The following KIAA0040 variants were observed in gnomAD, a reference collection of about 807,000 sequenced individuals.
KIAA0040 encodes KIAA0040, also known as uncharacterized protein KIAA0040.
KIAA0040 carries 10 observed loss-of-function variants against 7.2 expected under a neutral mutation model. The observed-to-expected ratio is 1.38, with a 90% CI of 0.85 to 2.34. The LOEUF is 2.34. KIAA0040 is among the 30% of genes most tolerant of loss of function. KIAA0040 has a pLI of 0.00. For missense variants in KIAA0040, 89 were observed against 108.2 expected (o/e 0.82, Z 0.79); for synonymous variants, 49 against 40.1 (o/e 1.22, Z -0.84).
intron 1 of KIAA0040, among the ~76,000 whole-genome samples, chr1:175,189,570 A>G (rs1677792475): frequency 6.6e-6 from 1 of 152,238 alleles, no homozygotes; most frequent in Non-Finnish European, 1.5e-5. Context: ...TCATGGAAGG[A>G]GACTTATCAT....
intron 1 of KIAA0040, among the ~76,000 whole-genome samples, chr1:175,183,356 A>T (rs371681889): frequency 2.1e-4 from 32 of 152,344 alleles, no homozygotes; most frequent in Middle Eastern, 6.8e-3. Context: ...GATGAGAAAG[A>T]ACCAGAGTGA....
chr1:175,185,836 A>G (rs1210585164), intron 1 of KIAA0040, among the ~76,000 whole-genome samples: 1 of 152,260 alleles, frequency 6.6e-6, no homozygotes, highest in Non-Finnish European at 1.5e-5. Context: ...ATATGCACAC[A>G]ATGGAATATG....
intron 1 of KIAA0040, among the ~76,000 whole-genome samples, chr1:175,188,664 C>T (rs1677754872): frequency 6.6e-6 from 1 of 152,192 alleles, no homozygotes; most frequent in African/African-American, 2.4e-5. Flanking sequence ...TTAATTAAGG[C>T]ACCCAATGTT....
At chr1:175,172,646 T>G (rs1029239554) in intron 2 of KIAA0040, among the ~76,000 whole-genome samples, 2 of 152,238 alleles carry the variant, frequency 1.3e-5, no homozygotes, top group South Asian at 4.1e-4. Context: ...TTCACTTAAG[T>G]GCTTTTTCCA....
intron 1 of KIAA0040, among the ~76,000 whole-genome samples, chr1:175,190,403 C>T (rs1023461285): frequency 6.6e-6 from 1 of 152,222 alleles, no homozygotes; most frequent in African/African-American, 2.4e-5. Context: ...ATGTTCCAGA[C>T]CTGTATACCC....
At chr1:175,184,108 C>T (rs555516567) in intron 1 of KIAA0040, among the ~76,000 whole-genome samples, 48 of 152,270 alleles carry the variant, frequency 3.2e-4, no homozygotes, top group African/African-American at 1.2e-3. Context: ...CCTGACAGTG[C>T]CTGGGAGACA....
chr1:175,170,356 C>A (rs1265678536), intron 2 of KIAA0040, among the ~76,000 whole-genome samples: 1 of 152,118 alleles, frequency 6.6e-6, no homozygotes, highest in Non-Finnish European at 1.5e-5. Flanking sequence ...CTTCAAATGG[C>A]CTCTAGTTTT....
rs372300059 is a variant in KIAA0040 at position 175,160,996 on chromosome 1, G to T, written c.18C>A (p.Ala6=). 2.7e-4 allele frequency: 418 copies of T among 1,551,018 alleles called. No individual in the cohort carries two copies. The highest frequency in any genetic ancestry group is 3.4e-4 in the Non-Finnish European group (386 of 1,146,878). MERIS[A]FFSSIWDTIL... ...TGGTGTCCCAGATAGAGCTGAAGAAGGCACTGATTCTCTCCATGGTGCTTG... is the reference window on the plus strand; with the variant it reads ...TGGTGTCCCAGATAGAGCTGAAGAATGCACTGATTCTCTCCATGGTGCTTG... Residue 6 remains alanine (A), a synonymous_variant, in exon 4 of 4, where the codon GCC becomes GCA. Transcript: ENST00000423313.
At chr1:175,191,018 G>A (rs1476002840) in intron 1 of KIAA0040, among the ~76,000 whole-genome samples, 1 of 152,142 alleles carries the variant, frequency 6.6e-6, no homozygotes, top group Non-Finnish European at 1.5e-5. Context: ...GATAATTCTG[G>A]GGAAGGATCT....
chr1:175,172,749 C>T lies in KIAA0040; in HGVS notation c.-310+4862G>A, dbSNP rs905746744. Among the ~76,000 whole-genome samples, 4 of 152,202 alleles carry T rather than the reference C, an allele frequency of 2.6e-5. No individual in the cohort carries two copies. In the South Asian group the frequency reaches 6.2e-4, roughly 24 times the overall value. On this transcript the variant is annotated intron_variant, in intron 2 of 3. Coordinates refer to ENST00000423313, the MANE Select transcript of KIAA0040 (RefSeq NM_014656.3). The stretch of plus-strand genomic sequence containing the variant: ...ACATCATTTTACTCTCAGTATCTGG[C>T]ACAGGGCCTGGTAGAAAGTGGACTG...
chr1:175,173,848 T>C (rs1352591623), intron 2 of KIAA0040, among the ~76,000 whole-genome samples: 2 of 152,240 alleles, frequency 1.3e-5, no homozygotes, highest in African/African-American at 4.8e-5. Flanking sequence ...TGAAACTCAC[T>C]GGCAGTCTGG....
At chr1:175,178,487 G>T (rs965980792) in intron 1 of KIAA0040, among the ~76,000 whole-genome samples, 1 of 152,214 alleles carries the variant, frequency 6.6e-6, no homozygotes, top group Non-Finnish European at 1.5e-5. Context: ...ACAATTGTTT[G>T]CATCAATAAA....
At chr1:175,175,646 A>G (rs1484114812) in intron 2 of KIAA0040, among the ~76,000 whole-genome samples, 1 of 152,238 alleles carries the variant, frequency 6.6e-6, no homozygotes, top group Non-Finnish European at 1.5e-5. Flanking sequence ...TCAATGATAG[A>G]CTAGATTAAG....
intron 1 of KIAA0040, among the ~76,000 whole-genome samples, chr1:175,184,516 A>T (rs183967541): frequency 3.3e-4 from 50 of 152,336 alleles, no homozygotes; most frequent in African/African-American, 1.1e-3. Context: ...CCCAGGGCAC[A>T]ACTGTTTTGA....
chr1:175,166,941 T>G (rs539633727), intron 2 of KIAA0040, among the ~76,000 whole-genome samples: 1 of 152,292 alleles, frequency 6.6e-6, no homozygotes, highest in East Asian at 1.9e-4. Context: ...GAGAACCTAC[T>G]CCTGCTGGGA....
At position 175,163,780 on chromosome 1, in the gene KIAA0040, G is replaced by A. The variant is rs893323517; in HGVS notation, c.-133-2634C>T. Among the ~76,000 whole-genome samples the A allele has an allele frequency of 5.3e-5, 8 of 152,160 alleles. No homozygotes were observed. The South Asian group carries it at 1.7e-3, about 32-fold the overall frequency. ...GTTAGATAACACCACCACCACAAATGTTCACCAACTATTTTGTGCCAGGGG... is the reference window on the plus strand; with the variant it reads ...GTTAGATAACACCACCACCACAAATATTCACCAACTATTTTGTGCCAGGGG... On this transcript the variant is annotated intron_variant, in intron 3 of 3. Transcript: ENST00000423313.
At chr1:175,177,356 A>G (rs1381828015) in intron 2 of KIAA0040, among the ~76,000 whole-genome samples, 1 of 152,262 alleles carries the variant, frequency 6.6e-6, no homozygotes, top group African/African-American at 2.4e-5. Context: ...AGAAGGCAGA[A>G]GATGCCATAG....
chr1:175,180,300 C>G (rs568614633), intron 1 of KIAA0040, among the ~76,000 whole-genome samples: 1 of 152,282 alleles, frequency 6.6e-6, no homozygotes, highest in African/African-American at 2.4e-5. Flanking sequence ...ATATTTTGCC[C>G]TTGGGAAATA....
intron 3 of KIAA0040, among the ~76,000 whole-genome samples, chr1:175,162,685 C>T (rs1001056977): frequency 1.4e-4 from 22 of 152,242 alleles, no homozygotes; most frequent in Middle Eastern, 3.4e-3. Flanking sequence ...AGCAATTGTC[C>T]TCAGAAGTCT....
Sources: gnomAD v4.1 joint callset for allele counts (sites outside exome capture counted in the v4.1 genomes callset) on GRCh38, gnomAD v4.1.1 for gene constraint, MANE v1.5 for transcripts, NCBI Gene and HGNC (gene_info 2026-07-23, HGNC 2026-07-21) for gene names.